ZC3H12B: variants seen among roughly 807,000 people sequenced by gnomAD.
ZC3H12B encodes the protein probable ribonuclease ZC3H12B.
ZC3H12B carries 7 observed loss-of-function variants against 43.9 expected under a neutral mutation model. That is an observed-to-expected ratio of 0.16 (90% CI 0.09 to 0.30). The LOEUF (loss-of-function observed/expected upper bound fraction) is 0.30, where lower values mean the gene tolerates loss of function less well. Among genes scored for constraint, ZC3H12B ranks in the 10% least tolerant of loss-of-function variants. ZC3H12B has a pLI of 1.00. For missense variants in ZC3H12B, 475 were observed against 670.2 expected, an observed-to-expected ratio of 0.71 and a Z score of 3.22; for synonymous variants, 222 against 241.7, an observed-to-expected ratio of 0.92 and a Z score of 0.76.
the ZC3H12B span, among the ~76,000 whole-genome samples, chrX:65,236,530 G>C: frequency 9.0e-6 from 1 of 111,718 alleles, no homozygotes; most frequent in Non-Finnish European, 1.9e-5. Context: ...TTCTTTTGCT[G>C]TGCAGAAGCT....
At chrX:65,260,541 A>G in the ZC3H12B span, among the ~76,000 whole-genome samples, 1 of 111,472 alleles carries the variant, frequency 9.0e-6, no homozygotes, top group Non-Finnish European at 1.9e-5. Context: ...TATATAGTAA[A>G]CCTGTAAATG....
chrX:65,298,913 G>A, the ZC3H12B span, among the ~76,000 whole-genome samples: 1 of 111,500 alleles, frequency 9.0e-6, no homozygotes, highest in Non-Finnish European at 1.9e-5. Context: ...AGGGGGAATA[G>A]CCCCTTATAA....
At chrX:65,067,315 G>A in the ZC3H12B span, among the ~76,000 whole-genome samples, 1 of 112,075 alleles carries the variant, frequency 8.9e-6, no homozygotes, top group Non-Finnish European at 1.9e-5. Context: ...TGCAAAAACC[G>A]TGGGAAAAGT....
At chrX:65,402,563 G>A (rs777640494) in intron 3 of ZC3H12B, among the ~76,000 whole-genome samples, 76 of 112,184 alleles carry the variant, frequency 6.8e-4, no homozygotes, top group Non-Finnish European at 1.1e-3. Context: ...CCTAGTCCTA[G>A]TGGTGATGGC....
intron 3 of ZC3H12B, among the ~76,000 whole-genome samples, chrX:65,429,054 C>T (rs916510022): frequency 8.9e-6 from 1 of 111,954 alleles, no homozygotes; most frequent in South Asian, 3.8e-4. Context: ...CTAGTTGCCT[C>T]GGTTTTTTTC....
chrX:65,127,949 G>A, the ZC3H12B span, among the ~76,000 whole-genome samples: 2 of 111,613 alleles, frequency 1.8e-5, no homozygotes, highest in Non-Finnish European at 3.8e-5. Flanking sequence ...CCCAGACCAC[G>A]AGCCTCCTCG....
the ZC3H12B span, among the ~76,000 whole-genome samples, chrX:65,132,477 T>C: frequency 1.8e-5 from 2 of 109,258 alleles, no homozygotes; most frequent in African/African-American, 3.3e-5. Flanking sequence ...GGAGTAGGGG[T>C]GTCCCATACT....
At chrX:65,087,522 CAG>C in the ZC3H12B span, among the ~76,000 whole-genome samples, 1 of 111,503 alleles carries the variant, frequency 9.0e-6, no homozygotes, top group Non-Finnish European at 1.9e-5. Context: ...TGAGAGGACA[CAG>C]GGGCGATCGA....
the ZC3H12B span, among the ~76,000 whole-genome samples, chrX:65,070,298 T>C: frequency 1.8e-5 from 2 of 111,208 alleles, no homozygotes; most frequent in African/African-American, 6.5e-5. Context: ...GTTCCCTTTG[T>C]CATTTCTGAT....
chrX:65,381,389 T>C (rs1455281315), intron 2 of ZC3H12B, among the ~76,000 whole-genome samples: 2 of 111,336 alleles, frequency 1.8e-5, no homozygotes, highest in East Asian at 2.8e-4. Context: ...GAAATAAAGA[T>C]GTTCTTTGAA....
At position 65,453,887 on chromosome X, in the gene ZC3H12B, T is replaced by C. The variant is rs750573365; in HGVS notation, n.408-34759T>C. The stretch of plus-strand genomic sequence containing the variant: ...CTATAACGATGCAAAGGCATAAGAA[T>C]TATACAATGGACTTTGGGGACTTGG... On this transcript the variant is annotated intron_variant and non_coding_transcript_variant, in intron 3 of 5. Transcript: ENST00000617377. Among the ~76,000 whole-genome samples, 18 of 111,642 alleles carry C rather than the reference T, an allele frequency of 1.6e-4. No individual in the cohort carries two copies. The South Asian group carries it at 1.9e-3, about 12-fold the overall frequency.
intron 3 of ZC3H12B, among the ~76,000 whole-genome samples, chrX:65,446,690 A>C (rs1265643554): frequency 8.9e-6 from 1 of 111,927 alleles, no homozygotes; most frequent in Non-Finnish European, 1.9e-5. Flanking sequence ...TCAAACTCAA[A>C]GTTTCATTCT....
At chrX:65,433,283 C>T in intron 3 of ZC3H12B, among the ~76,000 whole-genome samples, 1 of 112,189 alleles carries the variant, frequency 8.9e-6, no homozygotes, top group South Asian at 3.7e-4. Context: ...AGAGTCACCA[C>T]CCCTGCATCT....
At chrX:65,436,485 C>T (rs994809885) in intron 3 of ZC3H12B, among the ~76,000 whole-genome samples, 3 of 112,347 alleles carry the variant, frequency 2.7e-5, no homozygotes, top group Non-Finnish European at 5.6e-5. Flanking sequence ...CTTCCTCAGC[C>T]CACCAATTTA....
At chrX:65,085,295 A>G in the ZC3H12B span, among the ~76,000 whole-genome samples, 1 of 111,866 alleles carries the variant, frequency 8.9e-6, no homozygotes, top group Non-Finnish European at 1.9e-5. Context: ...AAGAATAAAT[A>G]CTTGAGGAGA....
At chrX:65,207,458 T>A in the ZC3H12B span, among the ~76,000 whole-genome samples, 1 of 110,618 alleles carries the variant, frequency 9.0e-6, no homozygotes, top group East Asian at 2.8e-4. Context: ...ATAAGAATGA[T>A]GACAATGCAC....
the ZC3H12B span, among the ~76,000 whole-genome samples, chrX:65,198,127 C>G: frequency 8.9e-6 from 1 of 111,934 alleles, no homozygotes; most frequent in Non-Finnish European, 1.9e-5. Flanking sequence ...ATTTTTCCAC[C>G]AAAATTGGAG....
the ZC3H12B span, among the ~76,000 whole-genome samples, chrX:65,116,376 A>G: frequency 9.0e-6 from 1 of 110,498 alleles, no homozygotes; most frequent in African/African-American, 3.3e-5. Flanking sequence ...GGGTTTATTT[A>G]TGGGTTCTCT....
chrX:65,443,702 T>A (rs1361305842), intron 3 of ZC3H12B, among the ~76,000 whole-genome samples: 1 of 112,346 alleles, frequency 8.9e-6, no homozygotes, highest in Non-Finnish European at 1.9e-5. Context: ...GCGGGCCAGG[T>A]GTTCCTTGCC....
Sources: gnomAD v4.1 joint callset for allele counts (sites outside exome capture counted in the v4.1 genomes callset) on GRCh38, gnomAD v4.1.1 for gene constraint, MANE v1.5 for transcripts, NCBI Gene and HGNC (gene_info 2026-07-23, HGNC 2026-07-21) for gene names.